DHTKD1: variants seen among roughly 807,000 people sequenced by gnomAD.
DHTKD1 encodes dehydrogenase E1 and transketolase domain containing 1.
In DHTKD1, 78 loss-of-function variants were observed where a neutral mutation model predicts 101.8. The observed-to-expected ratio is 0.77, with a 90% CI of 0.64 to 0.93. The LOEUF (loss-of-function observed/expected upper bound fraction) is 0.93, where lower values mean the gene tolerates loss of function less well. Among genes scored for constraint, DHTKD1 ranks in the 40% least tolerant of loss-of-function variants. The pLI, the probability that DHTKD1 is intolerant of heterozygous loss-of-function variation, is 0.00. For missense variants in DHTKD1, 1,223 were observed against 1,161.7 expected, an observed-to-expected ratio of 1.05 and a Z score of -0.77; for synonymous variants, 462 against 450.3, an observed-to-expected ratio of 1.03 and a Z score of -0.33.
chr10:12,071,445 C>T (rs1832649215), intron 1 of DHTKD1, among the ~76,000 whole-genome samples: 1 of 152,146 alleles, frequency 6.6e-6, no homozygotes, highest in African/African-American at 2.4e-5. Context: ...CCTCATATTT[C>T]ACATCAAATC....
chr10:12,118,629 G>C lies in DHTKD1; in HGVS notation c.2403-120G>C, dbSNP rs533455249. ...GATTTCCTGACCTCGTGATCCGCCCGCCTTGGCCTCCCAAAGTGCTGAGAT... is the reference window on the plus strand; with the variant it reads ...GATTTCCTGACCTCGTGATCCGCCCCCCTTGGCCTCCCAAAGTGCTGAGAT... On this transcript the variant is annotated intron_variant, in intron 14 of 16. Coordinates refer to ENST00000263035, the MANE Select transcript of DHTKD1 (RefSeq NM_018706.7). 3.4e-4 allele frequency: 200 copies of C among 590,140 alleles called. 1 individual carries two copies. In the South Asian group the frequency reaches 6.7e-3, roughly 20 times the overall value. The allele number at this position is 590,140 out of a possible 1,614,324, so 36.6% of individuals were successfully genotyped here. A position where few individuals can be genotyped will look rare whatever the true frequency, so the allele number is the denominator to read the frequency against.
intron 1 of DHTKD1, among the ~76,000 whole-genome samples, chr10:12,073,948 C>G (rs1323667340): frequency 2.6e-5 from 4 of 152,182 alleles, no homozygotes; most frequent in Non-Finnish European, 5.9e-5. Context: ...AAGCATGCCT[C>G]TGATATTCTC....
intron 1 of DHTKD1, among the ~76,000 whole-genome samples, chr10:12,076,759 C>T (rs1243997989): frequency 6.6e-6 from 1 of 151,728 alleles, no homozygotes; most frequent in Non-Finnish European, 1.5e-5. Context: ...CCCGGGTTTA[C>T]GCCATTCTCC....
rs1290705284 is a variant in DHTKD1 at position 12,107,041 on chromosome 10, G to C, written c.2047+645G>C. Reference sequence around the variant, plus strand: ...GCTCTGTCACCCAGGCTGGAGTGCAGTGGTGCGATCTCGGCTCACTGCAAG... The same window carrying C: ...GCTCTGTCACCCAGGCTGGAGTGCACTGGTGCGATCTCGGCTCACTGCAAG... On this transcript the variant is annotated intron_variant, in intron 11 of 16. Transcript: ENST00000263035. This position sits in a 1 kb window ranked among gnomAD's most constrained non-coding sequence, Gnocchi z 4.1. 4.6e-5 allele frequency among the ~76,000 whole-genome samples: 7 copies of C among 151,162 alleles called. No individual in the cohort carries two copies. The highest frequency in any genetic ancestry group is 1.7e-4 in the African/African-American group (7 of 41,106).
Position 12,084,762 on chromosome 10 carries a change from G to A in DHTKD1, c.522+11G>A. ...ATGCTGGAATCTCAGGTAAAAAGGAGCATCTAGGCCGGGCACGGTGGCTCA... is the reference window on the plus strand; with the variant it reads ...ATGCTGGAATCTCAGGTAAAAAGGAACATCTAGGCCGGGCACGGTGGCTCA... On this transcript the variant is annotated intron_variant, in intron 3 of 16. Coordinates refer to ENST00000263035, the MANE Select transcript of DHTKD1 (RefSeq NM_018706.7). 1 of 1,613,016 alleles carries A rather than the reference G, an allele frequency of 6.2e-7. No individual in the cohort carries two copies.
intron 5 of DHTKD1, among the ~76,000 whole-genome samples, chr10:12,090,389 T>TTTCC (rs1244186979): frequency 7.6e-5 from 8 of 105,818 alleles, no homozygotes; most frequent in South Asian, 3.8e-4. Context: ...TCCTTCCTTT[T>TTTCC]TTCCTTCCTT....
At chr10:12,084,318 TA>T (rs138079708) in intron 2 of DHTKD1, among the ~76,000 whole-genome samples, 73,876 of 149,220 alleles carry the variant, frequency 0.5, 19,846 homozygotes, top group South Asian at 0.72. Flanking sequence ...TTTTTTTTTT[TA>T]AATTTTTTTT....
chr10:12,069,303 C>CG, intron 1 of DHTKD1, 116 bp downstream of exon 1: 2 of 177,718 alleles, frequency 1.1e-5, no homozygotes, highest in Non-Finnish European at 1.1e-5. Context: ...AACGCGCGGC[C>CG]GGTGGGGAGG....
At position 12,112,181 on chromosome 10, in the gene DHTKD1, G is replaced by A. The variant is rs1286235586; in HGVS notation, c.2155-719G>A. On this transcript the variant is annotated intron_variant, in intron 12 of 16. Transcript: ENST00000263035. ...ATATTAAAATTAGTCAGGTGTGGTA[G>A]CAGGCACCTGTAGTCCCAGCTACTT... Among the ~76,000 whole-genome samples the A allele has an allele frequency of 2.0e-5, 3 of 152,198 alleles. No individual in the cohort carries two copies. In the East Asian group the frequency reaches 5.8e-4, roughly 29 times the overall value.
chr10:12,097,642 T>C (rs780191012), intron 7 of DHTKD1, 42 bp from the exon 8 acceptor site: 2 of 1,545,238 alleles, frequency 1.3e-6, no homozygotes, highest in Non-Finnish European at 1.8e-6. Context: ...ATTAGATTGT[T>C]ACAGGTCAGA....
intron 1 of DHTKD1, among the ~76,000 whole-genome samples, chr10:12,077,232 GT>G (rs1028042885): frequency 2.4e-4 from 34 of 141,774 alleles, no homozygotes; most frequent in Non-Finnish European, 2.2e-4. Context: ...AGTGTTTTTT[GT>G]TTTTTTTTTT....
chr10:12,114,971 AT>A (rs1360172964), intron 13 of DHTKD1, among the ~76,000 whole-genome samples: 1 of 150,902 alleles, frequency 6.6e-6, no homozygotes, highest in Admixed American at 6.6e-5. Context: ...AATTTTTTGT[AT>A]TTTTAGTGGA....
At chr10:12,071,467 T>G (rs546938346) in intron 1 of DHTKD1, among the ~76,000 whole-genome samples, 194 of 152,326 alleles carry the variant, frequency 1.3e-3, no homozygotes, top group Non-Finnish European at 2.0e-3. Context: ...TTTTAGTTTT[T>G]ATTTTTTAAA....
At chr10:12,093,567 C>T (rs777748821) in intron 6 of DHTKD1, among the ~76,000 whole-genome samples, 2 of 152,152 alleles carry the variant, frequency 1.3e-5, no homozygotes, top group African/African-American at 4.8e-5. Flanking sequence ...ATGGTAGCAA[C>T]TATTCTCCTT....
At chr10:12,069,521 T>A (rs1357318085) in intron 1 of DHTKD1, among the ~76,000 whole-genome samples, 3 of 36,922 alleles carry the variant, frequency 8.1e-5, no homozygotes, top group Admixed American at 2.9e-4. Flanking sequence ...TTGTTTCCTT[T>A]TTTTTTTTTT....
chr10:12,102,589 A>G (rs762908745), intron 10 of DHTKD1, among the ~76,000 whole-genome samples: 21 of 152,208 alleles, frequency 1.4e-4, no homozygotes, highest in Middle Eastern at 3.4e-3. Flanking sequence ...CCCCTACCTC[A>G]GATGAGGCTT....
intron 15 of DHTKD1, among the ~76,000 whole-genome samples, chr10:12,119,375 G>A (rs181275988): frequency 0.14 from 21,101 of 151,242 alleles, 1,512 homozygotes; most frequent in East Asian, 0.2. Context: ...CAGCACTTTG[G>A]GAGGCCGAGG....
intron 10 of DHTKD1, 67 bp downstream of exon 10, chr10:12,101,248 C>T: frequency 2.6e-6 from 4 of 1,539,570 alleles, no homozygotes; most frequent in Non-Finnish European, 2.6e-6. Context: ...ATTCTTAGAA[C>T]AAGTAGGAAG....
chr10:12,073,039 TTA>T (rs984829167), intron 1 of DHTKD1, among the ~76,000 whole-genome samples: 66 of 104,672 alleles, frequency 6.3e-4, no homozygotes, highest in Admixed American at 2.9e-3. Flanking sequence ...CCTGACCTGT[TTA>T]TTTGTTTTTT....
Sources: allele counts gnomAD v4.1 joint callset (sites outside exome capture counted in the v4.1 genomes callset), GRCh38; gene constraint gnomAD v4.1.1; non-coding constraint Gnocchi (gnomAD v3.1); transcripts MANE v1.5; gene names NCBI Gene and HGNC (gene_info 2026-07-23, HGNC 2026-07-21).